TMEM38B: variants seen among roughly 807,000 people sequenced by gnomAD.
TMEM38B encodes the protein trimeric intracellular cation channel type B.
Under a neutral mutation model 28.7 loss-of-function variants are expected in TMEM38B, and 24 were observed. The observed-to-expected ratio is 0.84, with a 90% CI of 0.61 to 1.18. TMEM38B has a LOEUF of 1.18. TMEM38B is among the 50% of genes most tolerant of loss of function. The pLI is 0.00. For missense variants in TMEM38B, 380 were observed against 350.9 expected, an observed-to-expected ratio of 1.08 and a Z score of -0.66; for synonymous variants, 131 against 127.7, an observed-to-expected ratio of 1.03 and a Z score of -0.17.
In TMEM38B at chr9:105,775,779, T is replaced by G. The variant is rs530952549; in HGVS notation, c.*1699T>G. 3 of 152,252 alleles carry G rather than the reference T, an allele frequency of 2.0e-5. No homozygotes were observed. The East Asian group carries it at 5.8e-4, about 29-fold the overall frequency. 9.4% of individuals were successfully genotyped at this position (152,252 alleles called of 1,614,324 possible). On this transcript the variant is annotated 3_prime_UTR_variant, in exon 6 of 6. Transcript: ENST00000374692. ...AAGGACTCTTGTTTTACACTTGTAT[T>G]AAAGATAAATTTATTAAAATAAGTT...
chr9:105,749,156 C>G (rs1279395267), intron 5 of TMEM38B: 4 of 1,264,260 alleles, frequency 3.2e-6, no homozygotes, highest in Non-Finnish European at 4.2e-6. Context: ...TAGTCTCTTC[C>G]AGTCCTCAAA....
At chr9:105,712,751 G>T (rs1251876923) in intron 2 of TMEM38B, among the ~76,000 whole-genome samples, 2 of 152,202 alleles carry the variant, frequency 1.3e-5, no homozygotes, top group Non-Finnish European at 2.9e-5. Flanking sequence ...ATCTGGTGTG[G>T]CTGCTGCCAT....
intron 4 of TMEM38B, among the ~76,000 whole-genome samples, chr9:105,730,331 A>G (rs1423077607): frequency 2.0e-5 from 3 of 152,160 alleles, no homozygotes; most frequent in East Asian, 3.9e-4. Flanking sequence ...ATCTATTGAG[A>G]TAATCATGTG....
chr9:105,745,485 T>G (rs1837353337), intron 4 of TMEM38B, among the ~76,000 whole-genome samples: 1 of 152,264 alleles, frequency 6.6e-6, no homozygotes, highest in Non-Finnish European at 1.5e-5. Context: ...TTCTGGATAT[T>G]AGCCCTTTGA....
At chr9:105,751,014 A>G (rs943956461) in intron 5 of TMEM38B, among the ~76,000 whole-genome samples, 6 of 152,162 alleles carry the variant, frequency 3.9e-5, no homozygotes, top group East Asian at 1.9e-4. Context: ...TCCTTATGCT[A>G]TTACCATTAC....
intron 5 of TMEM38B, among the ~76,000 whole-genome samples, chr9:105,755,689 AAC>A (rs1837808311): frequency 1.3e-5 from 2 of 152,248 alleles, no homozygotes; most frequent in African/African-American, 4.8e-5. Flanking sequence ...CCAATTCATT[AAC>A]ACAAGAGTTC....
intron 1 of TMEM38B, chr9:105,702,708 G>A (rs796967950): frequency 3.3e-5 from 5 of 151,946 alleles, no homozygotes; most frequent in Non-Finnish European, 7.4e-5. Flanking sequence ...TTGATACAGG[G>A]TCTCACTGTG....
At chr9:105,741,848 A>G (rs1051533560) in intron 4 of TMEM38B, among the ~76,000 whole-genome samples, 1 of 152,228 alleles carries the variant, frequency 6.6e-6, no homozygotes, top group Non-Finnish European at 1.5e-5. Context: ...AAAGTTGATA[A>G]AACTGAGATT....
rs112166005 is a variant in TMEM38B, at chr9:105,758,019, A to G, written c.660+9829A>G. On this transcript the variant is annotated intron_variant, in intron 5 of 5. Coordinates refer to ENST00000374692, the MANE Select transcript of TMEM38B (RefSeq NM_018112.3). ...GTATGGTACGGGGCACAACTTTATC[A>G]GAACCACTTTAAAAAAATTCTTTAG... is the stretch of plus-strand genomic sequence containing the variant. 5.6e-3 allele frequency: 1,317 copies of G among 234,994 alleles called. 11 individuals carry two copies. The highest frequency in any genetic ancestry group is 0.027 in the African/African-American group (1,202 of 44,942). 14.6% of individuals were successfully genotyped at this position (234,994 alleles called of 1,614,324 possible). A position where few individuals can be genotyped will look rare whatever the true frequency, so the allele number is the denominator to read the frequency against.
chr9:105,698,017 C>T (rs1835344551), intron 1 of TMEM38B, among the ~76,000 whole-genome samples: 1 of 152,078 alleles, frequency 6.6e-6, no homozygotes, highest in South Asian at 2.1e-4. Flanking sequence ...ATGCTCTATG[C>T]TCATTGAACT....
At chr9:105,767,403 A>G (rs1280173989) in intron 5 of TMEM38B, among the ~76,000 whole-genome samples, 1 of 152,172 alleles carries the variant, frequency 6.6e-6, no homozygotes, top group Non-Finnish European at 1.5e-5. Flanking sequence ...TATTTTCTCA[A>G]TATTTCTTAG....
intron 5 of TMEM38B, chr9:105,758,488 A>T (rs1409726586): frequency 1.9e-5 from 25 of 1,291,458 alleles, no homozygotes; most frequent in African/African-American, 5.8e-5. Context: ...TGGCTTTATG[A>T]CCTATTAAGA....
At chr9:105,748,741 A>T (rs1275019429) in intron 5 of TMEM38B, among the ~76,000 whole-genome samples, 3 of 152,102 alleles carry the variant, frequency 2.0e-5, no homozygotes, top group African/African-American at 7.2e-5. Flanking sequence ...TCTCATCTTC[A>T]TTGTATGATT....
intron 5 of TMEM38B, among the ~76,000 whole-genome samples, chr9:105,764,241 G>T (rs1335315829): frequency 6.6e-6 from 1 of 152,158 alleles, no homozygotes; most frequent in African/African-American, 2.4e-5. Context: ...GGGCAATTAA[G>T]CAGGAGAAGG....
intron 5 of TMEM38B, among the ~76,000 whole-genome samples, chr9:105,770,555 TA>T (rs1826511577): frequency 6.6e-6 from 1 of 152,174 alleles, no homozygotes; most frequent in Non-Finnish European, 1.5e-5. Context: ...TTTACATTTG[TA>T]AAAATGTAAA....
chr9:105,714,963 C>T (rs1405206200), intron 2 of TMEM38B, among the ~76,000 whole-genome samples: 1 of 152,178 alleles, frequency 6.6e-6, no homozygotes, highest in East Asian at 1.9e-4. Context: ...ATTCATATTT[C>T]TAATTCAAAT....
intron 4 of TMEM38B, among the ~76,000 whole-genome samples, chr9:105,741,046 G>A (rs1017380112): frequency 3.3e-5 from 5 of 152,118 alleles, no homozygotes; most frequent in East Asian, 1.9e-4. Context: ...CTGGTGGGAC[G>A]GAATGCAGTC....
intron 4 of TMEM38B, among the ~76,000 whole-genome samples, chr9:105,730,929 T>C (rs569665254): frequency 1.3e-4 from 20 of 152,312 alleles, no homozygotes; most frequent in Middle Eastern, 3.4e-3. Context: ...TATCATTTTT[T>C]ATTGCGTCTA....
chr9:105,769,080 A>G (rs370900572), intron 5 of TMEM38B, among the ~76,000 whole-genome samples: 1 of 152,230 alleles, frequency 6.6e-6, no homozygotes, highest in Admixed American at 6.5e-5. Context: ...TACAACATAT[A>G]TCAGAGGGCT....
Sources: allele counts gnomAD v4.1 joint callset (sites outside exome capture counted in the v4.1 genomes callset), GRCh38; gene constraint gnomAD v4.1.1; transcripts MANE v1.5; gene names NCBI Gene and HGNC (gene_info 2026-07-23, HGNC 2026-07-21).